The following SLFN12L variants were observed in gnomAD, a reference collection of about 807,000 sequenced individuals.
SLFN12L encodes schlafen family member 12-like.
Under a neutral mutation model 34.8 loss-of-function variants are expected in SLFN12L, and 34 were observed. That is an observed-to-expected ratio of 0.98 (90% CI 0.74 to 1.30). The LOEUF is 1.30. Ranked by LOEUF, SLFN12L falls within the 50% of genes most tolerant of loss-of-function variation. The pLI is 0.00. For missense variants in SLFN12L, 703 were observed against 696.2 expected (o/e 1.01, Z -0.11); for synonymous variants, 259 against 247.5 (o/e 1.05, Z -0.44).
rs560110874 is a variant in SLFN12L, at chr17:35,512,655, C to T, written c.86+9624G>A. The stretch of plus-strand genomic sequence containing the variant: ...TGCCAGGATTACAGGCGTGAGCCAC[C>T]GTGCCCAGCCTTTTTTCTTTAACTT... On this transcript the variant is annotated intron_variant, in intron 2 of 4. Transcript: ENST00000628453. Among the ~76,000 whole-genome samples the T allele has an allele frequency of 4.7e-4, 71 of 152,224 alleles. 2 individuals carry two copies. The highest frequency in any genetic ancestry group is 3.9e-4 in the Admixed American group (6 of 15,294).
In SLFN12L at chr17:35,535,962, AGTTTGTTTGTTT is replaced by A. The variant is rs111617647; in HGVS notation, c.-606+1599_-606+1610del. Among the ~76,000 whole-genome samples, 8 of 149,646 alleles carry A rather than the reference AGTTTGTTTGTTT, an allele frequency of 5.3e-5. No homozygotes were observed. The South Asian group carries it at 6.4e-4, about 12-fold the overall frequency. ...TGAGCCACCACACCCGGCCCTGGCT[AGTTTGTTTGTTT>A]GTTTGTTTGTTTGTTTGTTTGTTTT... On this transcript the variant is annotated intron_variant, in intron 1 of 4. Coordinates refer to ENST00000628453, the MANE Select transcript of SLFN12L (RefSeq NM_001363830.2).
intron 2 of SLFN12L, chr17:35,515,159 C>G (rs1653297752): frequency 1.6e-6 from 1 of 624,496 alleles, no homozygotes; most frequent in Admixed American, 1.8e-5. Flanking sequence ...CCGAATACTC[C>G]AGCGGCGATG....
chr17:35,514,693 C>T, intron 2 of SLFN12L: 1 of 366,472 alleles, frequency 2.7e-6, no homozygotes, highest in Non-Finnish European at 5.3e-6. Context: ...CATATTTGCC[C>T]TTCTGCTCAA....
In SLFN12L at chr17:35,474,235, A is replaced by G. The variant is rs904271193; in HGVS notation, c.*688T>C. On this transcript the variant is annotated 3_prime_UTR_variant, in exon 5 of 5. Transcript: ENST00000628453. Reference sequence around the variant, plus strand: ...ATTTCATTGCAATATAGTTTTCAAGAAGATATTAGAGAACTATGTTTTCCA... The same window carrying G: ...ATTTCATTGCAATATAGTTTTCAAGGAGATATTAGAGAACTATGTTTTCCA... 3.9e-5 allele frequency: 6 copies of G among 152,254 alleles called. No homozygotes were observed. In the East Asian group the frequency reaches 1.2e-3, roughly 29 times the overall value. 9.4% of individuals were successfully genotyped at this position (152,254 alleles called of 1,614,324 possible).
At chr17:35,530,434 GGGAAGGGAAGAAAGAAAGAAAGAAAGAAA>G (rs1385480614) in intron 1 of SLFN12L, among the ~76,000 whole-genome samples, 3 of 11,638 alleles carry the variant, frequency 2.6e-4, no homozygotes, top group African/African-American at 3.6e-4. Context: ...AGGAAGGGAA[GGGAAGGGAAGAAAGAAAGAAAGAAAGAAA>G]GAAAGAAAGA....
chr17:35,502,416 G>GAAAA (rs1161388791), intron 2 of SLFN12L, among the ~76,000 whole-genome samples: 405 of 25,252 alleles, frequency 0.016, 26 homozygotes, highest in African/African-American at 0.047. Flanking sequence ...GTATCCTAAG[G>GAAAA]AAAAAAAAAA....
chr17:35,475,573 C>T, intron 4 of SLFN12L, 88 bp from the exon 5 acceptor site: 1 of 1,450,852 alleles, frequency 6.9e-7, no homozygotes, highest in South Asian at 1.5e-5. Context: ...TAGATTAATT[C>T]TCCCACCAAA....
At position 35,471,904 on chromosome 17, in the gene SLFN12L, T is replaced by G. The variant is rs1913815620; in HGVS notation, c.*3019A>C. On this transcript the variant is annotated 3_prime_UTR_variant, in exon 5 of 5. Transcript: ENST00000628453. Reference sequence around the variant, plus strand: ...TTCATATCCTTTATCCACTTTTCAATGGGGTTGTTTTTTCCTTGTAAATTT... The same window carrying G: ...TTCATATCCTTTATCCACTTTTCAAGGGGGTTGTTTTTTCCTTGTAAATTT... Among the ~76,000 whole-genome samples, 1 of 152,118 alleles carries G rather than the reference T, an allele frequency of 6.6e-6. No individual in the cohort carries two copies. Among genetic ancestry groups the G allele is most frequent in the Admixed American group, 6.5e-5 (1 of 15,274 alleles).
intron 2 of SLFN12L, among the ~76,000 whole-genome samples, chr17:35,486,380 A>C (rs1914581648): frequency 6.6e-6 from 1 of 152,104 alleles, no homozygotes; most frequent in African/African-American, 2.4e-5. Flanking sequence ...CAGAAATCAC[A>C]TCTCACCCTC....
intron 2 of SLFN12L, among the ~76,000 whole-genome samples, chr17:35,486,967 G>A (rs1377022594): frequency 6.6e-6 from 1 of 152,230 alleles, no homozygotes; most frequent in East Asian, 1.9e-4. Context: ...GTTCGGAACA[G>A]CACTGCTTTC....
chr17:35,531,738 T>C (rs1008824525), intron 1 of SLFN12L, among the ~76,000 whole-genome samples: 1 of 152,174 alleles, frequency 6.6e-6, no homozygotes, highest in Non-Finnish European at 1.5e-5. Flanking sequence ...TGCCTCAGCC[T>C]CCCAAGTAGC....
At chr17:35,487,720 A>G (rs915825273) in intron 2 of SLFN12L, 9 of 1,519,348 alleles carry the variant, frequency 5.9e-6, no homozygotes, top group Non-Finnish European at 7.9e-6. Flanking sequence ...GAAAAAGAGA[A>G]CGAACCTGGC....
chr17:35,523,564 T>C (rs1017307716), intron 1 of SLFN12L, among the ~76,000 whole-genome samples: 3 of 152,182 alleles, frequency 2.0e-5, no homozygotes, highest in Admixed American at 2.0e-4. Flanking sequence ...TCCCCCCCAT[T>C]ACAAAAGTCT....
intron 4 of SLFN12L, among the ~76,000 whole-genome samples, chr17:35,475,791 T>C (rs1913974114): frequency 6.6e-6 from 1 of 151,906 alleles, no homozygotes. Context: ...TCCCAGCTAC[T>C]TGGGAGGCTG....
rs34121367 is a variant in SLFN12L at position 35,471,250 on chromosome 17, T to A, written c.*3673A>T. Among the ~76,000 whole-genome samples the A allele has an allele frequency of 0.15, 22,933 of 151,480 alleles. 1,906 individuals carry two copies. The highest frequency in any genetic ancestry group is 0.26 in the Middle Eastern group (75 of 294). On this transcript the variant is annotated 3_prime_UTR_variant, in exon 5 of 5. Coordinates refer to ENST00000628453, the MANE Select transcript of SLFN12L (RefSeq NM_001363830.2). ...CTCCCGGGTTCAAGCAATTTTCATG[T>A]CTCAGCCTCCCAAGTAGCTGGGATT... is the stretch of plus-strand genomic sequence containing the variant.
At chr17:35,501,192 A>G (rs1487105712) in intron 2 of SLFN12L, among the ~76,000 whole-genome samples, 1 of 152,196 alleles carries the variant, frequency 6.6e-6, no homozygotes, top group Non-Finnish European at 1.5e-5. Flanking sequence ...CTTGAGCAAC[A>G]TGGATCCTGA....
chr17:35,490,913 C>A lies in SLFN12L; in HGVS notation c.87-10718G>T. 1.2e-5 allele frequency: 10 copies of A among 806,598 alleles called. No individual in the cohort carries two copies. In the South Asian group the frequency reaches 1.3e-4, roughly 11 times the overall value. 50.0% of individuals were successfully genotyped at this position (806,598 alleles called of 1,614,324 possible). A position where few individuals can be genotyped will look rare whatever the true frequency, so the allele number is the denominator to read the frequency against. The stretch of plus-strand genomic sequence containing the variant: ...ACACAGTCCAATGACAACAAACAAC[C>A]AAGACCCCAATGGGAATATCCTTAA... On this transcript the variant is annotated intron_variant, in intron 2 of 4. Transcript: ENST00000628453.
chr17:35,493,644 T>C lies in SLFN12L; in HGVS notation c.87-13449A>G, dbSNP rs145863522. Among the ~76,000 whole-genome samples the C allele has an allele frequency of 4.5e-4, 69 of 152,354 alleles. 3 individuals are homozygous for C. The East Asian group carries it at 0.01, about 23-fold the overall frequency. ...TTTGTTTGCATCAAGTAATTTTCTT[T>C]TTGACTTAGTATCTGGCACACAAAG... On this transcript the variant is annotated intron_variant, in intron 2 of 4. Coordinates refer to ENST00000628453, the MANE Select transcript of SLFN12L (RefSeq NM_001363830.2).
intron 2 of SLFN12L, among the ~76,000 whole-genome samples, chr17:35,499,376 G>A (rs747460309): frequency 2.6e-5 from 4 of 152,288 alleles, no homozygotes; most frequent in South Asian, 2.1e-4. Context: ...TTTTAGCAAC[G>A]TAACTTAACA....
Sources: allele counts gnomAD v4.1 joint callset (sites outside exome capture counted in the v4.1 genomes callset), GRCh38; gene constraint gnomAD v4.1.1; transcripts MANE v1.5; gene names NCBI Gene and HGNC (gene_info 2026-07-23, HGNC 2026-07-21).